Variants in FAM184A observed in about 807,000 individuals in gnomAD.
FAM184A encodes protein FAM184A.
In FAM184A, 99 loss-of-function variants were observed where a neutral mutation model predicts 143.8. The ratio of observed to expected loss-of-function variants is 0.69; its 90% CI spans 0.58 to 0.81. The LOEUF (loss-of-function observed/expected upper bound fraction) is 0.81. Ranked by LOEUF, FAM184A falls within the 40% of genes least tolerant of loss-of-function variation. The pLI, the probability that FAM184A is intolerant of heterozygous loss-of-function variation, is 0.00. For missense variants in FAM184A, 1,217 were observed against 1,310.5 expected, an observed-to-expected ratio of 0.93 and a Z score of 1.10; for synonymous variants, 427 against 446.4, an observed-to-expected ratio of 0.96 and a Z score of 0.55.
chr6:119,137,385 C>A (rs1054186070), intron 1 of FAM184A, among the ~76,000 whole-genome samples: 4 of 152,084 alleles, frequency 2.6e-5, no homozygotes, highest in Non-Finnish European at 5.9e-5. Context: ...AAAACCAGTC[C>A]TATCAGATTA....
At chr6:119,112,284 A>C (rs571985545) in intron 1 of FAM184A, among the ~76,000 whole-genome samples, 1 of 151,964 alleles carries the variant, frequency 6.6e-6, no homozygotes, top group Non-Finnish European at 1.5e-5. Context: ...GGCACGTTAC[A>C]TGCCCGGCTA....
intron 5 of FAM184A, among the ~76,000 whole-genome samples, 157 bp from the exon 6 acceptor site, chr6:119,011,588 A>T (rs1012357342): frequency 6.6e-6 from 1 of 152,190 alleles, no homozygotes; most frequent in African/African-American, 2.4e-5. Flanking sequence ...AGTGACACCC[A>T]TAGTGGCTTA....
At chr6:119,050,135 T>G (rs1387918580) in intron 1 of FAM184A, among the ~76,000 whole-genome samples, 2 of 152,140 alleles carry the variant, frequency 1.3e-5, no homozygotes, top group African/African-American at 4.8e-5. Flanking sequence ...AGATACCATC[T>G]CACACCAGTC....
At chr6:118,967,483 A>G (rs533311876) in intron 14 of FAM184A, among the ~76,000 whole-genome samples, 16 of 152,280 alleles carry the variant, frequency 1.1e-4, no homozygotes, top group Middle Eastern at 6.8e-3. Flanking sequence ...TAAAAATTCT[A>G]TATTATCAGC....
intron 9 of FAM184A, among the ~76,000 whole-genome samples, chr6:119,002,296 GAATT>G (rs1385296453): frequency 1.1e-4 from 16 of 152,096 alleles, no homozygotes; most frequent in African/African-American, 3.9e-4. Flanking sequence ...AGAATGTTAA[GAATT>G]AATAAATTTA....
At chr6:119,022,917 T>C (rs1242289701) in intron 3 of FAM184A, 28 bp downstream of exon 3, 5 of 1,613,088 alleles carry the variant, frequency 3.1e-6, no homozygotes, top group Admixed American at 1.7e-5. Flanking sequence ...TAGCTAAGCA[T>C]TACATCAAAA....
intron 1 of FAM184A, among the ~76,000 whole-genome samples, chr6:119,071,700 A>AAG (rs1166255402): frequency 6.6e-6 from 1 of 152,126 alleles, no homozygotes; most frequent in African/African-American, 2.4e-5. Flanking sequence ...ACACAGGGAA[A>AAG]AGAGGCCTGT....
chr6:119,075,390 G>C lies in FAM184A; in HGVS notation c.159+2751C>G, dbSNP rs368366840. 9.4e-4 allele frequency among the ~76,000 whole-genome samples: 143 copies of C among 152,262 alleles called. 2 individuals are homozygous for C. The highest frequency in any genetic ancestry group is 3.3e-3 in the African/African-American group (136 of 41,540). ...CAGTGAGTGACAGCCTGAATGAAGA[G>C]CCTACTATGTGCCGCTACAACTCTG... On this transcript the variant is annotated intron_variant, in intron 1 of 17. Transcript: ENST00000338891.
intron 6 of FAM184A, among the ~76,000 whole-genome samples, chr6:119,011,008 A>T (rs1242949725): frequency 6.6e-6 from 1 of 151,642 alleles, no homozygotes; most frequent in African/African-American, 2.4e-5. Context: ...AGTATAGAGA[A>T]TAATAAGCTA....
chr6:119,046,311 C>T (rs943855453), intron 1 of FAM184A, among the ~76,000 whole-genome samples: 16 of 150,974 alleles, frequency 1.1e-4, no homozygotes, highest in African/African-American at 2.9e-4. Flanking sequence ...GCAATCTCTG[C>T]CTCCTGGGTT....
Position 119,078,215 on chromosome 6 carries a change from G to T in FAM184A, c.85C>A (p.Leu29Met). ...CTGTAGTCCATGCTGTGCCCAGCCA[G>T]CTGTGCGGTGGCCGGCGAGGGCGCG... ...KFAPSPATAQ[L>M]AGHSMDYSQE... The change falls in exon 1 of 18, where the codon CTG becomes ATG. Residue 29 changes from leucine (L) to methionine (M), a missense_variant. Leu to Met is a conservative substitution (Grantham distance 15). Coordinates refer to ENST00000338891, the MANE Select transcript of FAM184A (RefSeq NM_024581.6). The surrounding 1 kb of genome is among the most constrained non-coding windows in gnomAD (Gnocchi z 5.5). 6.4e-7 allele frequency: 1 copy of T among 1,560,492 alleles called. No homozygotes were observed.
chr6:119,012,166 C>G (rs775645868), intron 5 of FAM184A, among the ~76,000 whole-genome samples: 1 of 151,998 alleles, frequency 6.6e-6, no homozygotes, highest in Non-Finnish European at 1.5e-5. Context: ...ATTCTAGGCA[C>G]GGGAAAAAGC....
intron 1 of FAM184A, among the ~76,000 whole-genome samples, chr6:119,138,663 G>T (rs533274065): frequency 9.9e-5 from 15 of 151,814 alleles, no homozygotes; most frequent in South Asian, 2.1e-4. Context: ...TTTGGTTCTT[G>T]CTGCCCAGGC....
intron 1 of FAM184A, among the ~76,000 whole-genome samples, chr6:119,033,918 G>A (rs985501488): frequency 2.1e-5 from 3 of 144,082 alleles, no homozygotes; most frequent in African/African-American, 7.8e-5. Flanking sequence ...CTTGTCCTGG[G>A]AGGCAGAGGC....
chr6:118,984,746 A>T (rs1784138521), intron 9 of FAM184A, among the ~76,000 whole-genome samples: 1 of 152,196 alleles, frequency 6.6e-6, no homozygotes, highest in Non-Finnish European at 1.5e-5. Flanking sequence ...CTCCAAATAA[A>T]GCATGTCTTG....
intron 11 of FAM184A, 140 bp downstream of exon 11, chr6:118,979,225 A>T: frequency 1.3e-6 from 1 of 769,028 alleles, no homozygotes; most frequent in South Asian, 2.0e-5. Context: ...TGGTAACTTC[A>T]AATAAAATAT....
At chr6:119,003,359 C>A in intron 8 of FAM184A, 142 bp downstream of exon 8, 1 of 846,304 alleles carries the variant, frequency 1.2e-6, no homozygotes, top group Non-Finnish European at 1.7e-6. Flanking sequence ...GAAAATAAAT[C>A]CAATTTCTCT....
intron 1 of FAM184A, among the ~76,000 whole-genome samples, chr6:119,036,559 C>T (rs1478349598): frequency 6.6e-6 from 1 of 151,670 alleles, no homozygotes; most frequent in Non-Finnish European, 1.5e-5. Flanking sequence ...ATCTGTTTCC[C>T]CAGATTTAAC....
chr6:119,119,091 A>C (rs1013870266), intron 1 of FAM184A, among the ~76,000 whole-genome samples: 2 of 152,196 alleles, frequency 1.3e-5, no homozygotes, highest in Non-Finnish European at 2.9e-5. Flanking sequence ...CCCCAGGCTT[A>C]TTAGGATGAG....
Sources: gnomAD v4.1 joint callset for allele counts (sites outside exome capture counted in the v4.1 genomes callset) on GRCh38, gnomAD v4.1.1 for gene constraint, Gnocchi (gnomAD v3.1) non-coding constraint, MANE v1.5 for transcripts, NCBI Gene and HGNC (gene_info 2026-07-23, HGNC 2026-07-21) for gene names.